MSR1: variants seen among roughly 807,000 people sequenced by gnomAD.
The protein encoded by MSR1 is macrophage scavenger receptor types I and II.
In MSR1, 53 loss-of-function variants were observed where a neutral mutation model predicts 47.2. The observed-to-expected ratio is 1.12, with a 90% confidence interval of 0.90 to 1.41. The LOEUF (loss-of-function observed/expected upper bound fraction) is 1.41. Ranked by LOEUF, MSR1 falls within the 40% of genes most tolerant of loss-of-function variation. MSR1 has a pLI of 0.00. For synonymous variants in MSR1, 239 were observed against 185.6 expected, an observed-to-expected ratio of 1.29 and a Z score of -2.34; for missense variants, 786 against 546.9, an observed-to-expected ratio of 1.44 and a Z score of -4.36.
At chr8:16,123,621 C>T (rs1333483584) in intron 8 of MSR1, among the ~76,000 whole-genome samples, 3 of 151,326 alleles carry the variant, frequency 2.0e-5, no homozygotes, top group Non-Finnish European at 2.9e-5. Context: ...TAGCTGTTTC[C>T]TCTTTATTTG....
intron 8 of MSR1, among the ~76,000 whole-genome samples, chr8:16,127,649 G>A (rs1349732016): frequency 6.8e-6 from 1 of 146,564 alleles, no homozygotes; most frequent in Non-Finnish European, 1.5e-5. Context: ...TTAAGATAAT[G>A]CCACACAAGA....
At chr8:16,182,656 A>G (rs188969582) in intron 1 of MSR1, among the ~76,000 whole-genome samples, 159 of 152,078 alleles carry the variant, frequency 1.0e-3, no homozygotes, top group African/African-American at 3.7e-3. Context: ...GGTCAGGCTC[A>G]TCAATGCCAC....
Position 16,110,177 on chromosome 8 carries a change from T to A in MSR1, c.1264A>T (p.Arg422Ter), listed in dbSNP as rs759027503. The change falls in exon 10 of 10, where the codon AGA (arginine) becomes TGA (stop). Residue 422 changes from arginine to a stop codon, truncating the protein, a stop_gained. Transcript: ENST00000262101. LOFTEE classifies it low-confidence loss of function (END_TRUNC). ...TTACATTCTTCAATAGATGATTCTC[T>A]CCCAAAACAAAACACTTCATTCAGC... is the stretch of plus-strand genomic sequence containing the variant. ...IWLNEVFCFG[R>*]ESSIEECKIR... is the part of the protein sequence containing the mutation. The A allele has an allele frequency of 1.9e-6, 3 of 1,613,608 alleles. No homozygotes were observed. Among genetic ancestry groups the A allele is most frequent in the South Asian group, 2.2e-5 (2 of 91,060 alleles).
At chr8:16,188,963 CATACAT>C (rs1563175015) in intron 1 of MSR1, among the ~76,000 whole-genome samples, 1 of 86,820 alleles carries the variant, frequency 1.2e-5, no homozygotes, top group Non-Finnish European at 2.2e-5. Flanking sequence ...ATTCAACACA[CATACAT>C]ATATATATAT....
chr8:16,186,864 C>T (rs976899006), intron 1 of MSR1, among the ~76,000 whole-genome samples: 1 of 152,060 alleles, frequency 6.6e-6, no homozygotes, highest in Non-Finnish European at 1.5e-5. Flanking sequence ...ATCTACCCAC[C>T]TCAGCCTCCC....
intron 3 of MSR1, among the ~76,000 whole-genome samples, chr8:16,173,670 C>T (rs1460461108): frequency 2.0e-5 from 3 of 151,274 alleles, no homozygotes; most frequent in South Asian, 4.2e-4. Context: ...TTTTTTGAGA[C>T]GGAGTCTCGC....
chr8:16,133,348 G>T (rs554455720), intron 8 of MSR1, among the ~76,000 whole-genome samples: 15 of 152,094 alleles, frequency 9.9e-5, no homozygotes, highest in Non-Finnish European at 1.8e-4. Context: ...AGAGTGGGAA[G>T]CTAAAAGAAG....
intron 1 of MSR1, among the ~76,000 whole-genome samples, chr8:16,190,701 T>A (rs376905828): frequency 1.3e-5 from 2 of 151,524 alleles, no homozygotes; most frequent in East Asian, 3.9e-4. Flanking sequence ...AGTTTTTTTA[T>A]CATATTCTTT....
At chr8:16,163,307 T>G (rs903213642) in intron 5 of MSR1, among the ~76,000 whole-genome samples, 1 of 151,856 alleles carries the variant, frequency 6.6e-6, no homozygotes. Context: ...GATTGTATAT[T>G]TTTTTAAAAG....
At chr8:16,163,882 G>C (rs546432758) in intron 5 of MSR1, among the ~76,000 whole-genome samples, 183 bp downstream of exon 5, 1 of 151,736 alleles carries the variant, frequency 6.6e-6, no homozygotes, top group African/African-American at 2.4e-5. Flanking sequence ...GTGATACCAG[G>C]CTACTGGTTA....
chr8:16,153,122 G>A (rs1800906033), intron 6 of MSR1, among the ~76,000 whole-genome samples: 1 of 152,010 alleles, frequency 6.6e-6, no homozygotes, highest in Non-Finnish European at 1.5e-5. Flanking sequence ...TCATGATTGT[G>A]AGTCTAGGTG....
At chr8:16,152,506 G>GT (rs1482730452) in intron 6 of MSR1, among the ~76,000 whole-genome samples, 1 of 152,036 alleles carries the variant, frequency 6.6e-6, no homozygotes, top group African/African-American at 2.4e-5. Context: ...TTCAGACTAC[G>GT]TAAGGAAGTA....
chr8:16,143,607 A>G lies in MSR1; in HGVS notation c.984T>C (p.Asn328=). 6.2e-7 allele frequency: 1 copy of G among 1,612,082 alleles called. No individual in the cohort carries two copies. The highest frequency in any genetic ancestry group is 8.5e-7 in the Non-Finnish European group (1 of 1,178,756). Residue 328 remains asparagine, a synonymous_variant, in exon 8 of 10, where the codon AAT becomes AAC. Transcript: ENST00000262101. The part of the protein sequence containing the change: ...GLPGYAGRPG[N]SGPKGQKGEK... Reference sequence around the variant, plus strand: ...CCCCTTTCTGGCCTTTTGGTCCAGAATTTCCTTGAGAAAAGAAGAAAAATA... The same window carrying G: ...CCCCTTTCTGGCCTTTTGGTCCAGAGTTTCCTTGAGAAAAGAAGAAAAATA...
chr8:16,118,269 G>A (rs575568802), intron 9 of MSR1, among the ~76,000 whole-genome samples: 2 of 152,208 alleles, frequency 1.3e-5, no homozygotes, highest in African/African-American at 4.8e-5. Context: ...CATTTACCAG[G>A]TGACTAAGAG....
Position 16,110,099 on chromosome 8 carries a change from T to C in MSR1, c.1342A>G (p.Thr448Ala), listed in dbSNP as rs1799723438. Reference sequence around the variant, plus strand: ...AATATGATGCATTATAAAGTGCAAGTGACTCCAGCATCTTCAGAATGTGAA... The same window carrying C: ...AATATGATGCATTATAAAGTGCAAGCGACTCCAGCATCTTCAGAATGTGAA... ...ACSHSEDAGV[T>A]CTL The change falls in exon 10 of 10, where the codon ACT becomes GCT. Residue 448 changes from threonine (T) to alanine (A), a missense_variant. By Grantham distance (58) the Thr-to-Ala change is moderately conservative. Coordinates refer to ENST00000262101, the MANE Select transcript of MSR1 (RefSeq NM_138715.3). 1 of 1,613,680 alleles carries C rather than the reference T, an allele frequency of 6.2e-7. No individual in the cohort carries two copies. The highest frequency in any genetic ancestry group is 8.5e-7 in the Non-Finnish European group (1 of 1,179,704).
chr8:16,179,634 C>A (rs1458960899), intron 1 of MSR1, among the ~76,000 whole-genome samples: 1 of 151,998 alleles, frequency 6.6e-6, no homozygotes, highest in African/African-American at 2.4e-5. Context: ...AATCCCAGCA[C>A]TTTGGGAGGC....
intron 8 of MSR1, chr8:16,140,769 T>G: frequency 2.8e-6 from 4 of 1,434,316 alleles, no homozygotes; most frequent in Admixed American, 2.9e-5. Flanking sequence ...GGGAGAGAGG[T>G]GATGGTGGAG....
rs888597826 is a variant in MSR1 at position 16,108,110 on chromosome 8, C to T, written c.*1975G>A. The T allele has an allele frequency of 2.0e-5, 3 of 151,056 alleles. No homozygotes were observed. Among genetic ancestry groups the T allele is most frequent in the Non-Finnish European group, 4.4e-5 (3 of 67,744 alleles). The allele number at this position is 151,056 out of a possible 1,614,324, so 9.4% of individuals were successfully genotyped here. ...CAATATAGTATTAACAACCCATAGG[C>T]ACTGATCTCAGACATCCCAAGTGCC... On this transcript the variant is annotated 3_prime_UTR_variant, in exon 10 of 10. Transcript: ENST00000262101.
intron 6 of MSR1, 75 bp from the exon 7 acceptor site, chr8:16,150,386 T>G: frequency 2.7e-6 from 2 of 737,046 alleles, no homozygotes; most frequent in South Asian, 2.1e-5. Flanking sequence ...TGAAAACATC[T>G]AGTTTTATAA....
Sources: allele counts gnomAD v4.1 joint callset (sites outside exome capture counted in the v4.1 genomes callset), GRCh38; gene constraint gnomAD v4.1.1; transcripts MANE v1.5; gene names NCBI Gene and HGNC (gene_info 2026-07-23, HGNC 2026-07-21).